RNF2: variants seen among roughly 807,000 people sequenced by gnomAD.
RNF2 encodes E3 ubiquitin-protein ligase RING2.
Under a neutral mutation model 37.2 loss-of-function variants are expected in RNF2, and 6 were observed. The ratio of observed to expected loss-of-function variants is 0.16; its 90% CI spans 0.09 to 0.32. The LOEUF (loss-of-function observed/expected upper bound fraction) is 0.32, where lower values mean the gene tolerates loss of function less well. Ranked by LOEUF, RNF2 falls within the 10% of genes least tolerant of loss-of-function variation. RNF2 has a pLI of 1.00. For missense variants in RNF2, 251 were observed against 404.0 expected (o/e 0.62, Z 3.25); for synonymous variants, 133 against 132.7 (o/e 1.00, Z -0.02).
intron 1 of RNF2, 102 bp from the exon 2 acceptor site, chr1:185,087,450 G>C (rs1303560743): frequency 2.2e-6 from 2 of 910,288 alleles, no homozygotes; most frequent in African/African-American, 3.3e-5. Flanking sequence ...ACTTCATTGA[G>C]ATTAGATTTC....
At chr1:185,061,541 A>G (rs1232415744) in intron 1 of RNF2, among the ~76,000 whole-genome samples, 1 of 152,042 alleles carries the variant, frequency 6.6e-6, no homozygotes, top group Non-Finnish European at 1.5e-5. Flanking sequence ...TACATATGCA[A>G]TTATGGCAGG....
chr1:185,048,917 A>C (rs1160536226), intron 1 of RNF2, among the ~76,000 whole-genome samples: 1 of 151,996 alleles, frequency 6.6e-6, no homozygotes, highest in Non-Finnish European at 1.5e-5. Context: ...GGGACCTTGC[A>C]TTTGGGGCGG....
intron 1 of RNF2, among the ~76,000 whole-genome samples, chr1:185,081,609 C>A (rs188773994): frequency 1.9e-3 from 281 of 151,294 alleles, no homozygotes; most frequent in African/African-American, 6.5e-3. Flanking sequence ...GGCGGTTTCA[C>A]CATGTTGGCC....
intron 1 of RNF2, among the ~76,000 whole-genome samples, chr1:185,085,859 C>T (rs1247341325): frequency 1.3e-5 from 2 of 152,022 alleles, no homozygotes; most frequent in African/African-American, 4.8e-5. Flanking sequence ...ACCATGTTGG[C>T]CAGGCTGGTC....
chr1:185,075,919 G>A (rs1268438879), intron 1 of RNF2, among the ~76,000 whole-genome samples: 1 of 152,038 alleles, frequency 6.6e-6, no homozygotes, highest in East Asian at 1.9e-4. Context: ...TATATAGAAC[G>A]CATTGTTTTG....
intron 1 of RNF2, among the ~76,000 whole-genome samples, chr1:185,082,422 C>T (rs1651452488): frequency 6.9e-6 from 1 of 143,890 alleles, no homozygotes; most frequent in African/African-American, 2.6e-5. Flanking sequence ...ACGATCTTGG[C>T]TCACTGCAAC....
At chr1:185,064,227 C>T (rs964161152) in intron 1 of RNF2, among the ~76,000 whole-genome samples, 1 of 152,158 alleles carries the variant, frequency 6.6e-6, no homozygotes, top group Non-Finnish European at 1.5e-5. Flanking sequence ...TTTATTACCT[C>T]AGGAACAATC....
intron 1 of RNF2, among the ~76,000 whole-genome samples, chr1:185,059,284 C>CG (rs1170731354): frequency 1.3e-5 from 2 of 151,164 alleles, no homozygotes; most frequent in African/African-American, 4.9e-5. Context: ...AAAAGAAAAT[C>CG]TACCTATGTG....
intron 1 of RNF2, among the ~76,000 whole-genome samples, chr1:185,085,998 T>A (rs899597389): frequency 8.5e-5 from 13 of 152,222 alleles, no homozygotes; most frequent in African/African-American, 3.1e-4. Context: ...TACCCATACA[T>A]GGTGCTGTAA....
At chr1:185,054,951 CGG>C (rs1471920958) in intron 1 of RNF2, among the ~76,000 whole-genome samples, 9 of 152,198 alleles carry the variant, frequency 5.9e-5, no homozygotes, top group Non-Finnish European at 1.3e-4. Flanking sequence ...CCGCCTGCCT[CGG>C]CCTTCCAGAG....
intron 1 of RNF2, among the ~76,000 whole-genome samples, chr1:185,076,308 T>TTTTTTTTTTTTTTTTTTTTG: frequency 8.8e-6 from 1 of 113,290 alleles, no homozygotes; most frequent in Non-Finnish European, 1.7e-5. Flanking sequence ...TTTTTTTTTT[T>TTTTTTTTTTTTTTTTTTTTG]GAGACAGAGT....
chr1:185,092,989 A>G (rs1413490013), intron 3 of RNF2, 72 bp from the exon 4 acceptor site: 12 of 1,268,382 alleles, frequency 9.5e-6, no homozygotes, highest in Admixed American at 8.6e-5. Context: ...ACTATCCAGA[A>G]GCTGGGTATT....
At chr1:185,050,627 C>T (rs937766490) in intron 1 of RNF2, among the ~76,000 whole-genome samples, 2 of 152,112 alleles carry the variant, frequency 1.3e-5, no homozygotes, top group African/African-American at 4.8e-5. Context: ...TTGATCATTA[C>T]CTTTTTAGAC....
chr1:185,089,649 C>T (rs896747053), intron 2 of RNF2, among the ~76,000 whole-genome samples: 2 of 152,062 alleles, frequency 1.3e-5, no homozygotes, highest in African/African-American at 4.8e-5. Context: ...GGCAGTTCTT[C>T]AGAGAAATTC....
At chr1:185,076,268 G>GTTTTTTTTTGTTTTTTTT (rs1651152676) in intron 1 of RNF2, among the ~76,000 whole-genome samples, 1 of 27,334 alleles carries the variant, frequency 3.7e-5, no homozygotes, top group African/African-American at 1.3e-4. Flanking sequence ...TTTATGGGTT[G>GTTTTTTTTTGTTTTTTTT]TTTTTTTTTT....
chr1:185,052,083 A>G (rs1170316291), intron 1 of RNF2, among the ~76,000 whole-genome samples: 2 of 151,702 alleles, frequency 1.3e-5, no homozygotes, highest in East Asian at 3.9e-4. Flanking sequence ...GACACCCCCC[A>G]TTATTTTCCT....
At chr1:185,053,803 T>C (rs1471095642) in intron 1 of RNF2, among the ~76,000 whole-genome samples, 3 of 152,178 alleles carry the variant, frequency 2.0e-5, no homozygotes, top group African/African-American at 7.2e-5. Flanking sequence ...TGACATTAAG[T>C]AGTATTAGGT....
rs374254619 is a variant in RNF2 at position 185,096,199 on chromosome 1, A to G, written c.465-1873A>G. ...TATATTTTAGTCTTTATGTTGTGCTATCAATTTTTTGTCCCATTATTTTAG... is the reference window on the plus strand; with the variant it reads ...TATATTTTAGTCTTTATGTTGTGCTGTCAATTTTTTGTCCCATTATTTTAG... On this transcript the variant is annotated intron_variant, in intron 4 of 6. Coordinates refer to ENST00000367510, the MANE Select transcript of RNF2 (RefSeq NM_007212.4). Among the ~76,000 whole-genome samples the G allele has an allele frequency of 1.8e-3, 281 of 152,296 alleles. 13 individuals carry two copies. The South Asian group carries it at 0.046, about 25-fold the overall frequency.
rs1379771475 is a variant in RNF2, at chr1:185,076,290, TTTTTTTTTTTTTTTTTTTG to T, written c.-2-11261_-2-11243del. On this transcript the variant is annotated intron_variant, in intron 1 of 6. Coordinates refer to ENST00000367510, the MANE Select transcript of RNF2 (RefSeq NM_007212.4). ...GTTGTTTTTTTTTTTTTTTTTTTTT[TTTTTTTTTTTTTTTTTTTG>T]AGACAGAGTCTCATTCTGTCGCCCA... is the stretch of plus-strand genomic sequence containing the variant. Among the ~76,000 whole-genome samples the T allele has an allele frequency of 1.4e-4, 10 of 73,510 alleles. No individual in the cohort carries two copies. The East Asian group carries it at 2.3e-3, about 17-fold the overall frequency. The allele number at this position is 73,510 out of a possible 152,430, so 48.2% of individuals were successfully genotyped here. A position where few individuals can be genotyped will look rare whatever the true frequency, so the allele number is the denominator to read the frequency against.
Sources: allele counts gnomAD v4.1 joint callset (sites outside exome capture counted in the v4.1 genomes callset), GRCh38; gene constraint gnomAD v4.1.1; transcripts MANE v1.5; gene names NCBI Gene and HGNC (gene_info 2026-07-23, HGNC 2026-07-21).